LARP1B: variants seen among roughly 807,000 people sequenced by gnomAD.
The protein encoded by LARP1B is la-related protein 1B.
Under a neutral mutation model 114.2 loss-of-function variants are expected in LARP1B, and 76 were observed. The ratio of observed to expected loss-of-function variants is 0.67; its 90% CI spans 0.55 to 0.81. The LOEUF (loss-of-function observed/expected upper bound fraction) is 0.81, where lower values mean the gene tolerates loss of function less well. Among genes scored for constraint, LARP1B ranks in the 30% least tolerant of loss-of-function variants. The probability of loss-of-function intolerance (pLI) is 0.00; values close to 1 mark genes in which losing one functional copy is unlikely to be tolerated. For synonymous variants in LARP1B, 345 were observed against 348.0 expected (o/e 0.99, Z 0.10); for missense variants, 1,014 against 1,075.8 (o/e 0.94, Z 0.80).
In LARP1B at chr4:128,152,973, CTTTTTTTTTTT is replaced by C. The variant is rs141211750; in HGVS notation, c.1525-9205_1525-9195del. Among the ~76,000 whole-genome samples the C allele has an allele frequency of 8.6e-5, 7 of 81,312 alleles. No individual in the cohort carries two copies. In the South Asian group the frequency reaches 1.8e-3, roughly 21 times the overall value. The allele number at this position is 81,312 out of a possible 152,430, so 53.3% of individuals were successfully genotyped here. On this transcript the variant is annotated intron_variant, in intron 11 of 19. Coordinates refer to ENST00000326639, the MANE Select transcript of LARP1B (RefSeq NM_018078.4). ...TTTTAAGTTTACAATTTTGGTTTGCCTTTTTTTTTTTTTTTTTTTTTTTTTTGAGATGGAGT... is the reference window on the plus strand; with the variant it reads ...TTTTAAGTTTACAATTTTGGTTTGCCTTTTTTTTTTTTTTTGAGATGGAGT...
chr4:128,188,417 A>C (rs1751073450), intron 15 of LARP1B, among the ~76,000 whole-genome samples: 1 of 152,166 alleles, frequency 6.6e-6, no homozygotes, highest in African/African-American at 2.4e-5. Context: ...TAATACATCT[A>C]GCTGAAGGTT....
At chr4:128,071,338 C>T (rs1765255642) in intron 1 of LARP1B, among the ~76,000 whole-genome samples, 1 of 152,006 alleles carries the variant, frequency 6.6e-6, no homozygotes, top group Admixed American at 6.6e-5. Flanking sequence ...AGCCACCGCA[C>T]TGGCCTTTAC....
At position 128,066,087 on chromosome 4, in the gene LARP1B, G is replaced by A. The variant is rs551646892; in HGVS notation, c.-78+4686G>A. The stretch of plus-strand genomic sequence containing the variant: ...CTTGGGGTCAAGCTATCCTGCCTCA[G>A]CCCCCACAAAGTGCTGGGACTACAG... On this transcript the variant is annotated intron_variant, in intron 1 of 19. Transcript: ENST00000326639. Among the ~76,000 whole-genome samples, 14 of 151,210 alleles carry A rather than the reference G, an allele frequency of 9.3e-5. No individual in the cohort carries two copies. The South Asian group carries it at 2.9e-3, about 32-fold the overall frequency.
intron 15 of LARP1B, among the ~76,000 whole-genome samples, chr4:128,190,408 C>T (rs1302872748): frequency 1.3e-5 from 2 of 151,956 alleles, no homozygotes; most frequent in Non-Finnish European, 1.5e-5. Context: ...TTATTATTTG[C>T]CTTGGGATAC....
intron 10 of LARP1B, among the ~76,000 whole-genome samples, chr4:128,116,695 G>C (rs1580621603): frequency 6.6e-6 from 1 of 152,198 alleles, no homozygotes; most frequent in Admixed American, 6.5e-5. Context: ...AGATATTTCA[G>C]AGATAACTGT....
chr4:128,081,597 A>G (rs1332371419), intron 4 of LARP1B, among the ~76,000 whole-genome samples: 1 of 151,960 alleles, frequency 6.6e-6, no homozygotes. Flanking sequence ...GAACGCTTTG[A>G]TGGCTGCTTT....
Position 128,165,784 on chromosome 4 carries a change from C to T in LARP1B, c.1648+3467C>T, listed in dbSNP as rs979638436. Among the ~76,000 whole-genome samples, 3 of 152,146 alleles carry T rather than the reference C, an allele frequency of 2.0e-5. No homozygotes were observed. In the East Asian group the frequency reaches 5.8e-4, roughly 29 times the overall value. ...GACATCAGCATTAGATCAAATTAAT[C>T]GCTCTGTCCTGAAACACATTTTTAC... is the stretch of plus-strand genomic sequence containing the variant. On this transcript the variant is annotated intron_variant, in intron 12 of 19. Transcript: ENST00000326639.
chr4:128,209,479 C>T (rs568435741), intron 19 of LARP1B, among the ~76,000 whole-genome samples: 21 of 151,954 alleles, frequency 1.4e-4, no homozygotes, highest in African/African-American at 5.1e-4. Flanking sequence ...AGTGAGACTC[C>T]GTCTCAAAAA....
rs1230452302 is a variant in LARP1B, at chr4:128,154,317, A to C, written c.1525-7877A>C. The stretch of plus-strand genomic sequence containing the variant: ...TGGTTTCAGGCTTTCATTATTTTCA[A>C]AGTAAATGATTCCAAGGAAAATCCT... On this transcript the variant is annotated intron_variant, in intron 11 of 19. Transcript: ENST00000326639. Among the ~76,000 whole-genome samples, 3 of 152,170 alleles carry C rather than the reference A, an allele frequency of 2.0e-5. No individual in the cohort carries two copies. The East Asian group carries it at 5.8e-4, about 29-fold the overall frequency.
chr4:128,156,578 C>T (rs922775551), intron 11 of LARP1B, among the ~76,000 whole-genome samples: 7 of 152,078 alleles, frequency 4.6e-5, no homozygotes, highest in Non-Finnish European at 7.4e-5. Context: ...CCAACCCTAC[C>T]CCCGTGACAG....
At chr4:128,196,635 C>T (rs1005639817) in intron 15 of LARP1B, among the ~76,000 whole-genome samples, 10 of 151,410 alleles carry the variant, frequency 6.6e-5, no homozygotes, top group African/African-American at 2.4e-4. Context: ...CACTCTGTCG[C>T]CCAGGCTGGA....
intron 5 of LARP1B, among the ~76,000 whole-genome samples, chr4:128,086,207 A>C (rs1773485628): frequency 6.6e-6 from 1 of 151,662 alleles, no homozygotes; most frequent in Non-Finnish European, 1.5e-5. Flanking sequence ...GAGTTTCACC[A>C]CATTAGCCAG....
intron 1 of LARP1B, among the ~76,000 whole-genome samples, chr4:128,066,151 T>A (rs1313382820): frequency 2.7e-5 from 4 of 147,486 alleles, no homozygotes; most frequent in African/African-American, 9.9e-5. Flanking sequence ...TATTGTCTAT[T>A]TTCTTTCTTT....
intron 3 of LARP1B, among the ~76,000 whole-genome samples, chr4:128,077,420 G>A (rs925135623): frequency 1.3e-5 from 2 of 152,010 alleles, no homozygotes; most frequent in African/African-American, 4.8e-5. Context: ...ATAATTGCTT[G>A]AACCCAGGAG....
At chr4:128,070,135 G>A (rs776847030) in intron 1 of LARP1B, among the ~76,000 whole-genome samples, 2 of 152,024 alleles carry the variant, frequency 1.3e-5, no homozygotes, top group South Asian at 2.1e-4. Context: ...TGTCTAACAC[G>A]GTGAAACCCT....
intron 8 of LARP1B, among the ~76,000 whole-genome samples, 197 bp from the exon 9 acceptor site, chr4:128,106,942 G>C (rs1210351291): frequency 6.6e-6 from 1 of 152,150 alleles, no homozygotes; most frequent in Non-Finnish European, 1.5e-5. Context: ...AAATAAGTGG[G>C]AGATCAGGAT....
chr4:128,174,908 T>A (rs1436990993), intron 12 of LARP1B, among the ~76,000 whole-genome samples: 2 of 152,132 alleles, frequency 1.3e-5, no homozygotes, highest in South Asian at 2.1e-4. Context: ...CCAGTATATG[T>A]TTAGTTGTCC....
chr4:128,183,672 G>T (rs978292168), intron 15 of LARP1B, among the ~76,000 whole-genome samples: 1 of 152,060 alleles, frequency 6.6e-6, no homozygotes, highest in East Asian at 1.9e-4. Flanking sequence ...TTATTATTTA[G>T]AATATTCATA....
chr4:128,097,607 A>T (rs1216491962), intron 7 of LARP1B, among the ~76,000 whole-genome samples: 2 of 152,178 alleles, frequency 1.3e-5, no homozygotes, highest in Non-Finnish European at 2.9e-5. Flanking sequence ...GCGCCTGGCC[A>T]TGTTCACTGA....
Sources: gnomAD v4.1 joint callset for allele counts (sites outside exome capture counted in the v4.1 genomes callset) on GRCh38, gnomAD v4.1.1 for gene constraint, MANE v1.5 for transcripts, NCBI Gene and HGNC (gene_info 2026-07-23, HGNC 2026-07-21) for gene names.